Variants in KLHL29 observed in about 807,000 individuals in gnomAD.
KLHL29 encodes kelch-like protein 29.
KLHL29 carries 21 observed loss-of-function variants against 80.4 expected under a neutral mutation model. That is an observed-to-expected ratio of 0.26 (90% CI 0.19 to 0.38). The LOEUF (loss-of-function observed/expected upper bound fraction) is 0.38. Among genes scored for constraint, KLHL29 ranks in the 10% least tolerant of loss-of-function variants. The pLI, the probability that KLHL29 is intolerant of heterozygous loss-of-function variation, is 1.00. For synonymous variants in KLHL29, 511 were observed against 526.8 expected (o/e 0.97, Z 0.41); for missense variants, 867 against 1,223.9 (o/e 0.71, Z 4.35).
rs547919022 is a variant in KLHL29, at chr2:23,533,421, GCTCCTGGCC to G, written c.-45-28729_-45-28721del. On this transcript the variant is annotated intron_variant, in intron 2 of 13. Transcript: ENST00000486442. ...GGGAGGGGTCCTGTGGAGACTTGTA[GCTCCTGGCC>G]CAGCAGGATTCATGGCATTTGGCGT... is the stretch of plus-strand genomic sequence containing the variant. Among the ~76,000 whole-genome samples, 1,095 of 152,308 alleles carry G rather than the reference GCTCCTGGCC, an allele frequency of 7.2e-3. 11 individuals are homozygous for G. Among genetic ancestry groups the G allele is most frequent in the Non-Finnish European group, 0.013 (892 of 68,022 alleles).
At chr2:23,436,126 T>A (rs1181856072) in intron 1 of KLHL29, among the ~76,000 whole-genome samples, 1 of 152,122 alleles carries the variant, frequency 6.6e-6, no homozygotes, top group African/African-American at 2.4e-5. Context: ...TTGCTTCCCC[T>A]TCTATAGCTT....
At chr2:23,453,344 G>A (rs1010916120) in intron 1 of KLHL29, among the ~76,000 whole-genome samples, 2 of 152,184 alleles carry the variant, frequency 1.3e-5, no homozygotes, top group South Asian at 2.1e-4. Flanking sequence ...AAATGCAGCG[G>A]TTGCCAGCCA....
chr2:23,424,349 C>T (rs1459820008), intron 1 of KLHL29, among the ~76,000 whole-genome samples: 1 of 152,154 alleles, frequency 6.6e-6, no homozygotes, highest in Non-Finnish European at 1.5e-5. Flanking sequence ...GCATGGCGAA[C>T]GGAAATCAGA....
chr2:23,705,767 A>G (rs7560892), intron 13 of KLHL29, among the ~76,000 whole-genome samples: 81,817 of 151,988 alleles, frequency 0.54, 22,706 homozygotes, highest in East Asian at 0.79. Flanking sequence ...GCTGAAATGA[A>G]AGAGTGTCAG....
At chr2:23,405,936 C>T in intron 1 of KLHL29, among the ~76,000 whole-genome samples, 1 of 152,176 alleles carries the variant, frequency 6.6e-6, no homozygotes, top group Admixed American at 6.5e-5. Flanking sequence ...GTGATATACA[C>T]ATTTTTGAAA....
intron 2 of KLHL29, among the ~76,000 whole-genome samples, chr2:23,543,048 G>A (rs900539371): frequency 2.6e-5 from 4 of 152,210 alleles, no homozygotes; most frequent in Admixed American, 1.3e-4. Context: ...TGTGGGATGG[G>A]TCAGTGAGAA....
chr2:23,536,552 A>G (rs1191232826), intron 2 of KLHL29, among the ~76,000 whole-genome samples: 1 of 152,228 alleles, frequency 6.6e-6, no homozygotes, highest in Non-Finnish European at 1.5e-5. Context: ...GGCCTGGCCC[A>G]TCAAACTCAC....
intron 5 of KLHL29, among the ~76,000 whole-genome samples, chr2:23,659,201 C>T (rs1022051733): frequency 1.3e-5 from 2 of 150,604 alleles, no homozygotes; most frequent in African/African-American, 5.0e-5. Flanking sequence ...GAATGGTACC[C>T]CCTGGAGTTG....
Position 23,457,538 on chromosome 2 carries a change from T to A in KLHL29, c.-153-18022T>A, listed in dbSNP as rs553438190. On this transcript the variant is annotated intron_variant, in intron 1 of 13. Coordinates refer to ENST00000486442, the MANE Select transcript of KLHL29 (RefSeq NM_052920.2). The surrounding 1 kb of genome is among the most constrained non-coding windows in gnomAD (Gnocchi z 4.3). Reference sequence around the variant, plus strand: ...ACCCGTCACCTTGTGTTCCCCGAGGTGGGGGTGCCTCTGGAATTCCCTGTT... The same window carrying A: ...ACCCGTCACCTTGTGTTCCCCGAGGAGGGGGTGCCTCTGGAATTCCCTGTT... Among the ~76,000 whole-genome samples the A allele has an allele frequency of 1.3e-4, 20 of 152,132 alleles. No individual in the cohort carries two copies. The highest frequency in any genetic ancestry group is 4.6e-4 in the African/African-American group (19 of 41,478).
intron 2 of KLHL29, among the ~76,000 whole-genome samples, chr2:23,476,229 G>A (rs1163332764): frequency 6.6e-6 from 1 of 151,898 alleles, no homozygotes; most frequent in African/African-American, 2.4e-5. Flanking sequence ...TCCCCAGGAG[G>A]TTAGATCTAG....
chr2:23,639,736 T>A (rs1158369740), intron 4 of KLHL29, among the ~76,000 whole-genome samples: 1 of 152,154 alleles, frequency 6.6e-6, no homozygotes, highest in Non-Finnish European at 1.5e-5. Flanking sequence ...CCAGCCATAA[T>A]GAATGCCCTC....
At chr2:23,615,023 C>A (rs1668967272) in intron 3 of KLHL29, among the ~76,000 whole-genome samples, 1 of 152,226 alleles carries the variant, frequency 6.6e-6, no homozygotes, top group Non-Finnish European at 1.5e-5. Context: ...TCCTTCTCTC[C>A]CTGTCTGCTT....
At chr2:23,388,522 A>G (rs968043467) in intron 1 of KLHL29, among the ~76,000 whole-genome samples, 1 of 152,196 alleles carries the variant, frequency 6.6e-6, no homozygotes, top group African/African-American at 2.4e-5. Context: ...GAGGCACATC[A>G]TTAGTCTATT....
In KLHL29 at chr2:23,639,284, C is replaced by T. The variant is rs1386227749; in HGVS notation, c.427+4C>T. ...ATGAGAGAGAGTGACAATCCAGGTA[C>T]GTACCTCATCGGCAGATAGAAACGA... is the stretch of plus-strand genomic sequence containing the variant. On this transcript the variant is annotated splice_donor_region_variant and intron_variant, in intron 4 of 13. Coordinates refer to ENST00000486442, the MANE Select transcript of KLHL29 (RefSeq NM_052920.2). The T allele has an allele frequency of 1.9e-6, 3 of 1,545,208 alleles. No homozygotes were observed. Among genetic ancestry groups the T allele is most frequent in the Non-Finnish European group, 1.7e-6 (2 of 1,144,538 alleles).
chr2:23,394,346 A>T (rs1212544154), intron 1 of KLHL29, among the ~76,000 whole-genome samples: 1 of 152,184 alleles, frequency 6.6e-6, no homozygotes, highest in East Asian at 1.9e-4. Flanking sequence ...TAGATTGAAT[A>T]ACTGTTTACT....
At chr2:23,568,017 A>G (rs184684737) in intron 3 of KLHL29, among the ~76,000 whole-genome samples, 119 of 152,200 alleles carry the variant, frequency 7.8e-4, no homozygotes, top group Admixed American at 2.0e-3. Context: ...TTGACTTACA[A>G]CCCACCTGTC....
chr2:23,562,137 AC>A lies in KLHL29; in HGVS notation c.-45-12del, dbSNP rs749188723. ...CCAGTCCTAAATCACCCTTCTCTCC[AC>A]CCTGTCACCACAGGTCCGGGCTCTG... is the stretch of plus-strand genomic sequence containing the variant. On this transcript the variant is annotated splice_polypyrimidine_tract_variant and intron_variant, in intron 2 of 13. Transcript: ENST00000486442. This position sits in a 1 kb window ranked among gnomAD's most constrained non-coding sequence, Gnocchi z 4.5. 6 of 1,542,302 alleles carry A rather than the reference AC, an allele frequency of 3.9e-6. No individual in the cohort carries two copies. Among genetic ancestry groups the A allele is most frequent in the South Asian group, 3.6e-5 (3 of 83,812 alleles).
intron 1 of KLHL29, among the ~76,000 whole-genome samples, chr2:23,452,548 C>T (rs181891637): frequency 2.0e-5 from 3 of 152,100 alleles, no homozygotes; most frequent in Non-Finnish European, 4.4e-5. Context: ...GTTCTGGGAA[C>T]GTCACTGGAG....
chr2:23,398,871 A>G (rs1572481374), intron 1 of KLHL29, among the ~76,000 whole-genome samples: 1 of 88,102 alleles, frequency 1.1e-5, no homozygotes, highest in Non-Finnish European at 2.8e-5. Context: ...GAGAAATTTG[A>G]TGATGAGAAC....
Sources: allele counts gnomAD v4.1 joint callset (sites outside exome capture counted in the v4.1 genomes callset), GRCh38; gene constraint gnomAD v4.1.1; non-coding constraint Gnocchi (gnomAD v3.1); transcripts MANE v1.5; gene names NCBI Gene and HGNC (gene_info 2026-07-23, HGNC 2026-07-21).